YES1: variants seen among roughly 807,000 people sequenced by gnomAD.
YES1 encodes YES proto-oncogene 1, Src family tyrosine kinase.
Under a neutral mutation model 70.4 loss-of-function variants are expected in YES1, and 39 were observed. The observed-to-expected ratio is 0.55, with a 90% CI of 0.43 to 0.72. The LOEUF is 0.72. YES1 is among the 30% of genes least tolerant of loss of function. YES1 has a pLI of 0.00. For synonymous variants in YES1, 198 were observed against 218.6 expected, an observed-to-expected ratio of 0.91 and a Z score of 0.83; for missense variants, 495 against 644.8, an observed-to-expected ratio of 0.77 and a Z score of 2.52.
intron 1 of YES1, among the ~76,000 whole-genome samples, chr18:762,110 T>G (rs372002514): frequency 6.8e-6 from 1 of 148,110 alleles, no homozygotes; most frequent in Non-Finnish European, 1.5e-5. Context: ...CACCTGAGAT[T>G]GGGAGTTTGA....
Position 756,788 on chromosome 18 carries a change from T to C in YES1, c.40A>G (p.Ile14Val). The part of the protein sequence containing the change: ...IKSKENKSPA[I>V]KYRPENTPEP... ...GGAGTATTTTCAGGTCTGTATTTAA[T>C]GGCTGGACTTTTGTTTTCTTTACTT... The change falls in exon 2 of 12, where the codon ATT becomes GTT. Residue 14 changes from isoleucine to valine, a missense_variant. Ile to Val is a conservative substitution (Grantham distance 29). Around this residue, in one of 2 missense-constraint regions of YES1, gnomAD observed 110 missense variants for 104.0 expected, o/e 1.06. Transcript: ENST00000314574. 1.2e-6 allele frequency: 2 copies of C among 1,614,160 alleles called. No homozygotes were observed. The highest frequency in any genetic ancestry group is 8.5e-7 in the Non-Finnish European group (1 of 1,180,008).
At chr18:729,865 T>G (rs921339110) in intron 11 of YES1, among the ~76,000 whole-genome samples, 7 of 152,116 alleles carry the variant, frequency 4.6e-5, no homozygotes, top group South Asian at 4.1e-4. Flanking sequence ...GACCTTGTGA[T>G]CCACCCGCCT....
intron 11 of YES1, among the ~76,000 whole-genome samples, chr18:728,781 C>G (rs2080051594): frequency 6.6e-6 from 1 of 152,214 alleles, no homozygotes; most frequent in Non-Finnish European, 1.5e-5. Flanking sequence ...GCCTCGACCT[C>G]CCAAAGTACT....
chr18:811,475 T>G (rs1234965830), intron 1 of YES1, among the ~76,000 whole-genome samples: 1 of 152,196 alleles, frequency 6.6e-6, no homozygotes, highest in East Asian at 1.9e-4. Flanking sequence ...TAAGACAATT[T>G]TCTTTAACAC....
At chr18:783,638 C>G (rs1263458357) in intron 1 of YES1, among the ~76,000 whole-genome samples, 2 of 142,588 alleles carry the variant, frequency 1.4e-5, no homozygotes. Flanking sequence ...TTTTTTGAAA[C>G]AGAGTTTCAC....
chr18:757,491 A>T (rs1904348604), intron 1 of YES1, among the ~76,000 whole-genome samples: 2 of 143,512 alleles, frequency 1.4e-5, no homozygotes, highest in African/African-American at 5.3e-5. Context: ...CGACAGAGCG[A>T]GACTCCGTCT....
At chr18:736,654 C>T in intron 10 of YES1, 154 bp downstream of exon 10, 1 of 1,003,286 alleles carries the variant, frequency 1.0e-6, no homozygotes, top group Non-Finnish European at 1.4e-6. Flanking sequence ...ATCAGAAAGC[C>T]ACAGCAGTAC....
chr18:743,481 A>T, intron 6 of YES1, 66 bp from the exon 7 acceptor site: 1 of 1,328,604 alleles, frequency 7.5e-7, no homozygotes, highest in Non-Finnish European at 1.0e-6. Context: ...TAGTGTATCA[A>T]TGTTTTAAGT....
chr18:736,777 A>G (rs1203040002), intron 10 of YES1, 31 bp downstream of exon 10: 2 of 1,602,984 alleles, frequency 1.2e-6, no homozygotes, highest in Non-Finnish European at 1.7e-6. Context: ...CACACAACAC[A>G]TTACAAGCTT....
rs199902979 is a variant in YES1, at chr18:756,791, C to T, written c.37G>A (p.Ala13Thr). The change falls in exon 2 of 12, where the codon GCC becomes ACC. Residue 13 changes from alanine to threonine, a missense_variant. Ala to Thr is a moderately conservative substitution (Grantham distance 58). This residue lies in a region of YES1 where 110 missense variants were observed against 104.0 expected (regional missense o/e 1.06). Coordinates refer to ENST00000314574, the MANE Select transcript of YES1 (RefSeq NM_005433.4). ...CIKSKENKSP[A>T]IKYRPENTPE... is the part of the protein sequence containing the mutation. ...GTATTTTCAGGTCTGTATTTAATGG[C>T]TGGACTTTTGTTTTCTTTACTTTTA... 1 of 1,614,028 alleles carries T rather than the reference C, an allele frequency of 6.2e-7. No homozygotes were observed. The highest frequency in any genetic ancestry group is 8.5e-7 in the Non-Finnish European group (1 of 1,180,002).
intron 3 of YES1, 63 bp from the exon 4 acceptor site, chr18:748,081 A>G: frequency 7.5e-7 from 1 of 1,340,326 alleles, no homozygotes; most frequent in African/African-American, 1.4e-5. Context: ...AATATATTGC[A>G]GTGCTATCTT....
At position 791,216 on chromosome 18, in the gene YES1, C is replaced by A. The variant is rs143333869; in HGVS notation, c.-9+20898G>T. On this transcript the variant is annotated intron_variant, in intron 1 of 11. Coordinates refer to ENST00000314574, the MANE Select transcript of YES1 (RefSeq NM_005433.4). ...AGTGAGCCAAGATTGTGCCATTGCA[C>A]TCCAGCCTGGCCAACAAGAGTGAAA... 7.2e-4 allele frequency among the ~76,000 whole-genome samples: 107 copies of A among 148,996 alleles called. No homozygotes were observed. The Middle Eastern group carries it at 0.018, about 25-fold the overall frequency.
At chr18:771,387 T>C (rs1313366091) in intron 1 of YES1, among the ~76,000 whole-genome samples, 2 of 151,996 alleles carry the variant, frequency 1.3e-5, no homozygotes, top group African/African-American at 2.4e-5. Context: ...AAAAATTCAT[T>C]TGAGTGCAGA....
intron 1 of YES1, among the ~76,000 whole-genome samples, chr18:776,845 C>T (rs1221041024): frequency 6.6e-6 from 1 of 152,112 alleles, no homozygotes; most frequent in East Asian, 1.9e-4. Context: ...CCCTTGGATA[C>T]ACCTGTCAAG....
At chr18:751,600 A>G in intron 3 of YES1, 105 bp downstream of exon 3, 1 of 756,022 alleles carries the variant, frequency 1.3e-6, no homozygotes, top group Non-Finnish European at 2.3e-6. Context: ...TGGGCAGCCC[A>G]TGCCCTACCT....
intron 4 of YES1, among the ~76,000 whole-genome samples, chr18:747,069 T>C (rs1383990118): frequency 6.6e-6 from 1 of 152,220 alleles, no homozygotes; most frequent in East Asian, 1.9e-4. Context: ...TTAACAGTCA[T>C]ATAAAACTAA....
chr18:785,486 G>A (rs906620904), intron 1 of YES1, among the ~76,000 whole-genome samples: 1 of 152,142 alleles, frequency 6.6e-6, no homozygotes, highest in African/African-American at 2.4e-5. Context: ...TGGAAGGAGA[G>A]AGAAGCACTA....
At chr18:799,597 A>C (rs966995302) in intron 1 of YES1, among the ~76,000 whole-genome samples, 2 of 152,072 alleles carry the variant, frequency 1.3e-5, no homozygotes, top group Non-Finnish European at 2.9e-5. Flanking sequence ...GTAATGAGCA[A>C]CTCAGGAGGC....
chr18:734,292 C>T (rs766599590), intron 10 of YES1, among the ~76,000 whole-genome samples: 1 of 151,110 alleles, frequency 6.6e-6, no homozygotes, highest in Admixed American at 6.6e-5. Flanking sequence ...CGGTGGCTCA[C>T]GCCTGTATTC....
Sources: gnomAD v4.1 joint callset for allele counts (sites outside exome capture counted in the v4.1 genomes callset) on GRCh38, gnomAD v4.1.1 for gene constraint, gnomAD v4.1.1 regional missense constraint, MANE v1.5 for transcripts, NCBI Gene and HGNC (gene_info 2026-07-23, HGNC 2026-07-21) for gene names.